PDE10A: variants seen among roughly 807,000 people sequenced by gnomAD.
The protein encoded by PDE10A is cAMP and cAMP-inhibited cGMP 3',5'-cyclic phosphodiesterase 10A.
PDE10A carries 39 observed loss-of-function variants against 97.7 expected under a neutral mutation model. The observed-to-expected ratio is 0.40, with a 90% CI of 0.31 to 0.52. The LOEUF is 0.52. Among genes scored for constraint, PDE10A ranks in the 20% least tolerant of loss-of-function variants. The probability of loss-of-function intolerance (pLI) is 0.56; values close to 1 mark genes in which losing one functional copy is unlikely to be tolerated. For missense variants in PDE10A, 731 were observed against 1,047.8 expected (o/e 0.70, Z 4.17); for synonymous variants, 371 against 376.8 (o/e 0.98, Z 0.18).
chr6:165,625,629 G>A (rs1788346629), intron 1 of PDE10A, among the ~76,000 whole-genome samples: 1 of 152,034 alleles, frequency 6.6e-6, no homozygotes, highest in East Asian at 1.9e-4. Flanking sequence ...CATGAGGGTG[G>A]GTCTTTCCTA....
chr6:165,561,541 G>T (rs1361873273), intron 1 of PDE10A, among the ~76,000 whole-genome samples: 1 of 152,124 alleles, frequency 6.6e-6, no homozygotes, highest in Admixed American at 6.5e-5. Flanking sequence ...TAACAAAAAC[G>T]TAACATTTAT....
chr6:165,790,526 T>A (rs1267047052), intron 1 of PDE10A, among the ~76,000 whole-genome samples: 1 of 152,106 alleles, frequency 6.6e-6, no homozygotes, highest in Non-Finnish European at 1.5e-5. Flanking sequence ...AAGCAATAAA[T>A]TCTATGTGCG....
intron 4 of PDE10A, 147 bp downstream of exon 4, chr6:165,450,095 T>A: frequency 3.4e-6 from 2 of 585,368 alleles, no homozygotes; most frequent in Non-Finnish European, 5.9e-6. Context: ...GGTAGTTTCA[T>A]AATAAAATAT....
At chr6:165,430,463 A>T (rs1789471186) in intron 8 of PDE10A, 118 bp from the exon 9 acceptor site, 1 of 595,816 alleles carries the variant, frequency 1.7e-6, no homozygotes, top group Non-Finnish European at 3.0e-6. Flanking sequence ...CACTTGGGTT[A>T]TAATGTAATA....
intron 7 of PDE10A, 67 bp from the exon 8 acceptor site, chr6:165,431,539 AAT>A: frequency 1.9e-6 from 1 of 528,950 alleles, no homozygotes; most frequent in South Asian, 3.4e-5. Context: ...TACTATATAT[AAT>A]ATACTATATA....
Position 165,392,671 on chromosome 6 carries a change from T to C in PDE10A, c.2429A>G (p.Asn810Ser), listed in dbSNP as rs752007305. The change falls in exon 16 of 22, where the codon AAT becomes AGT. Residue 810 changes from asparagine to serine, a missense_variant. Asn to Ser is a conservative substitution (Grantham distance 46). Around this residue, in one of 8 missense-constraint regions of PDE10A, gnomAD observed 131 missense variants for 187.4 expected, o/e 0.70. Transcript: ENST00000539869. Reference protein sequence around the residue: ...AHCMYAILQNNHTLFTDLERK... With the variant: ...AHCMYAILQNSHTLFTDLERK... ...CTCAAGGTCTGTGAAAAGCGTGTGA[T>C]TGTTCTGAAGTATGGCATACATGCA... The C allele has an allele frequency of 6.2e-7, 1 of 1,614,018 alleles. No individual in the cohort carries two copies.
At chr6:165,940,536 G>C (rs926225507) in intron 1 of PDE10A, 4 of 152,284 alleles carry the variant, frequency 2.6e-5, no homozygotes, top group Non-Finnish European at 5.9e-5. Flanking sequence ...GCGCAGCCTG[G>C]CGCTCTGCGG....
At chr6:165,868,734 T>C (rs953266328) in intron 1 of PDE10A, among the ~76,000 whole-genome samples, 2 of 151,980 alleles carry the variant, frequency 1.3e-5, no homozygotes, top group African/African-American at 2.4e-5. Context: ...AACTACAGGC[T>C]AGTATCCTTG....
At chr6:165,800,392 T>C (rs1778951029) in intron 1 of PDE10A, among the ~76,000 whole-genome samples, 1 of 152,162 alleles carries the variant, frequency 6.6e-6, no homozygotes, top group African/African-American at 2.4e-5. Context: ...CCATGTGAGA[T>C]GTGCACACAG....
At chr6:165,394,274 G>A (rs1326992826) in intron 15 of PDE10A, among the ~76,000 whole-genome samples, 1 of 151,950 alleles carries the variant, frequency 6.6e-6, no homozygotes, top group Non-Finnish European at 1.5e-5. Context: ...GTGTCCATAT[G>A]TTCTCACTGT....
intron 5 of PDE10A, among the ~76,000 whole-genome samples, chr6:165,436,880 CT>C (rs1790055950): frequency 6.6e-6 from 1 of 151,918 alleles, no homozygotes; most frequent in Non-Finnish European, 1.5e-5. Context: ...GTCACCCTTT[CT>C]TAAGACAGAA....
rs60776501 is a variant in PDE10A, at chr6:165,559,123, A to G, written c.866-15555T>C. Among the ~76,000 whole-genome samples, 1,096 of 152,362 alleles carry G rather than the reference A, an allele frequency of 7.2e-3. 19 individuals are homozygous for G. The highest frequency in any genetic ancestry group is 0.024 in the African/African-American group (1,012 of 41,590). ...GACTCCAAAGTTTCTAGCTTAGGTAATTGACCAGGCAGTTATGCTAGAACA... is the reference window on the plus strand; with the variant it reads ...GACTCCAAAGTTTCTAGCTTAGGTAGTTGACCAGGCAGTTATGCTAGAACA... On this transcript the variant is annotated intron_variant, in intron 1 of 21. Transcript: ENST00000539869.
chr6:165,344,735 G>A (rs748111290), intron 18 of PDE10A, among the ~76,000 whole-genome samples: 9 of 152,114 alleles, frequency 5.9e-5, no homozygotes, highest in African/African-American at 7.2e-5. Context: ...CTGTCAGCTC[G>A]CTTCCTTTAG....
chr6:165,786,938 T>G (rs1778513738), intron 1 of PDE10A, among the ~76,000 whole-genome samples: 1 of 152,244 alleles, frequency 6.6e-6, no homozygotes, highest in Admixed American at 6.5e-5. Flanking sequence ...TTAGTAATTA[T>G]TCTATAGTTT....
In PDE10A at chr6:165,520,816, T is replaced by A. The variant is rs140907235; in HGVS notation, c.994+22624A>T. On this transcript the variant is annotated intron_variant, in intron 2 of 21. Coordinates refer to ENST00000539869, the MANE Select transcript of PDE10A (RefSeq NM_001385079.1). ...CTCTAAGAGCCATCAGTGTATTGGGTGGACTGGACAATTACATCCCCAGAA... is the reference window on the plus strand; with the variant it reads ...CTCTAAGAGCCATCAGTGTATTGGGAGGACTGGACAATTACATCCCCAGAA... Among the ~76,000 whole-genome samples the A allele has an allele frequency of 2.9e-3, 435 of 152,202 alleles. 2 individuals are homozygous for A. Among genetic ancestry groups the A allele is most frequent in the Non-Finnish European group, 5.3e-3 (359 of 68,000 alleles).
At chr6:165,823,544 T>TTATATTTATAATTTATAACTATATAA (rs1333648223) in intron 1 of PDE10A, among the ~76,000 whole-genome samples, 3 of 137,904 alleles carry the variant, frequency 2.2e-5, no homozygotes, top group South Asian at 2.4e-4. Context: ...ATTATAAATA[T>TTATATTTATAATTTATAACTATATAA]TATATAGAAA....
intron 1 of PDE10A, among the ~76,000 whole-genome samples, chr6:165,862,793 C>T (rs1318559703): frequency 6.6e-6 from 1 of 151,996 alleles, no homozygotes; most frequent in Non-Finnish European, 1.5e-5. Flanking sequence ...ATTCTCCTGC[C>T]TCAGCCTCCC....
intron 2 of PDE10A, among the ~76,000 whole-genome samples, chr6:165,511,295 G>A (rs1781493151): frequency 1.3e-5 from 2 of 151,860 alleles, no homozygotes; most frequent in Non-Finnish European, 2.9e-5. Flanking sequence ...TGGTTATTTG[G>A]GAGTATCTTG....
At chr6:165,800,244 G>C (rs1031467561) in intron 1 of PDE10A, among the ~76,000 whole-genome samples, 3 of 152,180 alleles carry the variant, frequency 2.0e-5, no homozygotes, top group Non-Finnish European at 2.9e-5. Context: ...GAGCTTAGGT[G>C]TTCTTTTCAT....
Sources: allele counts gnomAD v4.1 joint callset (sites outside exome capture counted in the v4.1 genomes callset), GRCh38; gene constraint gnomAD v4.1.1; regional missense constraint gnomAD v4.1.1; transcripts MANE v1.5; gene names NCBI Gene and HGNC (gene_info 2026-07-23, HGNC 2026-07-21).